Variants in PTPRK observed in about 807,000 individuals in gnomAD.
PTPRK encodes protein tyrosine phosphatase receptor type K.
A neutral mutation model predicts 178.0 loss-of-function variants in PTPRK; 75 were observed. The ratio of observed to expected loss-of-function variants is 0.42; its 90% CI spans 0.35 to 0.51. The LOEUF (loss-of-function observed/expected upper bound fraction) is 0.51, where lower values mean the gene tolerates loss of function less well. Ranked by LOEUF, PTPRK falls within the 20% of genes least tolerant of loss-of-function variation. The probability of loss-of-function intolerance (pLI) is 0.02; values close to 1 mark genes in which losing one functional copy is unlikely to be tolerated. For missense variants in PTPRK, 1,441 were observed against 1,797.8 expected (o/e 0.80, Z 3.59); for synonymous variants, 637 against 620.6 (o/e 1.03, Z -0.39).
chr6:128,464,640 T>C lies in PTPRK; in HGVS notation c.100+55619A>G, dbSNP rs796717046. On this transcript the variant is annotated intron_variant, in intron 1 of 29. Coordinates refer to ENST00000368226, the MANE Select transcript of PTPRK (RefSeq NM_002844.4). ...ATATACATATATATATATATACACA[T>C]ATATATATATATATATATATATATA... is the stretch of plus-strand genomic sequence containing the variant. 8.5e-3 allele frequency among the ~76,000 whole-genome samples: 436 copies of C among 51,028 alleles called. 10 individuals carry two copies. Among genetic ancestry groups the C allele is most frequent in the African/African-American group, 0.01 (80 of 7,938 alleles). 33.5% of individuals were successfully genotyped at this position (51,028 alleles called of 152,430 possible). A position where few individuals can be genotyped will look rare whatever the true frequency, so the allele number is the denominator to read the frequency against.
At chr6:128,305,843 T>C (rs2128313895) in intron 3 of PTPRK, among the ~76,000 whole-genome samples, 2 of 152,362 alleles carry the variant, frequency 1.3e-5, no homozygotes, top group South Asian at 4.1e-4. Context: ...TCAGTATTTA[T>C]TAATTATGTG....
intron 3 of PTPRK, among the ~76,000 whole-genome samples, chr6:128,320,433 G>A (rs1409076547): frequency 6.6e-6 from 1 of 152,102 alleles, no homozygotes; most frequent in Non-Finnish European, 1.5e-5. Flanking sequence ...TTACTTCTAT[G>A]TTGTTATTGT....
intron 3 of PTPRK, chr6:128,320,904 A>G (rs1172577766): frequency 6.6e-6 from 1 of 152,138 alleles, no homozygotes; most frequent in Non-Finnish European, 1.5e-5. Context: ...CTCCGGAATA[A>G]TAGAATCAAC....
At chr6:128,164,897 A>G (rs1799183394) in intron 7 of PTPRK, among the ~76,000 whole-genome samples, 1 of 151,388 alleles carries the variant, frequency 6.6e-6, no homozygotes, top group Admixed American at 6.6e-5. Context: ...AATATTTTCC[A>G]CATTTTCAAA....
intron 7 of PTPRK, among the ~76,000 whole-genome samples, chr6:128,177,497 GAATA>G (rs1801252295): frequency 6.6e-6 from 1 of 151,722 alleles, no homozygotes; most frequent in African/African-American, 2.4e-5. Flanking sequence ...AAAGTACTAT[GAATA>G]AATAAATACA....
chr6:128,337,190 C>T (rs1421288190), intron 2 of PTPRK, among the ~76,000 whole-genome samples: 1 of 152,010 alleles, frequency 6.6e-6, no homozygotes, highest in Non-Finnish European at 1.5e-5. Flanking sequence ...TTACATTGCC[C>T]ACTTTGTATT....
chr6:128,466,211 T>C (rs1038685380), intron 1 of PTPRK, among the ~76,000 whole-genome samples: 1 of 152,210 alleles, frequency 6.6e-6, no homozygotes, highest in African/African-American at 2.4e-5. Flanking sequence ...TCTGTCTTCA[T>C]AGTATCTACT....
intron 6 of PTPRK, among the ~76,000 whole-genome samples, chr6:128,188,414 G>T (rs989347285): frequency 6.6e-6 from 1 of 151,914 alleles, no homozygotes; most frequent in African/African-American, 2.4e-5. Context: ...CATAAATCCA[G>T]GAAAAGTCAG....
intron 1 of PTPRK, among the ~76,000 whole-genome samples, chr6:128,440,870 TA>T (rs537073712): frequency 0.013 from 2,010 of 149,528 alleles, 46 homozygotes; most frequent in African/African-American, 0.043. Flanking sequence ...CTTTTGCTAT[TA>T]AAAAAAAAAT....
intron 13 of PTPRK, among the ~76,000 whole-genome samples, chr6:128,041,132 G>T (rs1241609493): frequency 1.3e-5 from 2 of 151,874 alleles, no homozygotes; most frequent in Non-Finnish European, 2.9e-5. Context: ...AAGATCAATA[G>T]GGGTTACATA....
At chr6:128,399,735 A>G (rs1840783546) in intron 1 of PTPRK, among the ~76,000 whole-genome samples, 1 of 152,164 alleles carries the variant, frequency 6.6e-6, no homozygotes, top group South Asian at 2.1e-4. Context: ...TTGAAAGACA[A>G]ATGGCCTTAA....
At chr6:128,379,869 A>C (rs767159351) in intron 2 of PTPRK, among the ~76,000 whole-genome samples, 12 of 152,112 alleles carry the variant, frequency 7.9e-5, no homozygotes, top group Non-Finnish European at 1.8e-4. Context: ...ATTTCATAAT[A>C]TTTGCTATCT....
chr6:128,166,476 T>C (rs756541239), intron 7 of PTPRK, among the ~76,000 whole-genome samples: 14 of 151,676 alleles, frequency 9.2e-5, no homozygotes, highest in Non-Finnish European at 1.5e-4. Flanking sequence ...TCAGGGTCAT[T>C]GCAATAATTA....
At chr6:128,000,141 T>C in intron 15 of PTPRK, 1 of 1,002,728 alleles carries the variant, frequency 1.0e-6, no homozygotes, top group South Asian at 3.3e-5. Context: ...GTCATACTCA[T>C]TAACAGAAGA....
intron 2 of PTPRK, among the ~76,000 whole-genome samples, chr6:128,384,500 T>C (rs2128359059): frequency 6.6e-6 from 1 of 152,322 alleles, no homozygotes; most frequent in African/African-American, 2.4e-5. Flanking sequence ...TTAGGCCACA[T>C]TCAAAGCTAT....
intron 7 of PTPRK, among the ~76,000 whole-genome samples, chr6:128,153,347 G>A (rs888735204): frequency 5.9e-5 from 9 of 151,626 alleles, no homozygotes; most frequent in South Asian, 2.1e-4. Context: ...TGCTGCAGCC[G>A]CTGGGACATG....
intron 2 of PTPRK, among the ~76,000 whole-genome samples, chr6:128,351,484 G>C (rs1199551473): frequency 6.6e-6 from 1 of 152,094 alleles, no homozygotes; most frequent in Non-Finnish European, 1.5e-5. Flanking sequence ...ATAAAATACA[G>C]ATCATCAGTT....
chr6:128,124,076 G>A (rs113566071), intron 7 of PTPRK, among the ~76,000 whole-genome samples: 2 of 147,412 alleles, frequency 1.4e-5, no homozygotes, highest in Middle Eastern at 3.6e-3. Flanking sequence ...CAGAGTCTCA[G>A]TCTGTCACCC....
At chr6:128,288,061 C>G (rs1249530582) in intron 3 of PTPRK, among the ~76,000 whole-genome samples, 1 of 152,140 alleles carries the variant, frequency 6.6e-6, no homozygotes, top group African/African-American at 2.4e-5. Context: ...GAGGCTTTCT[C>G]ATTGAAGCAG....
Sources: gnomAD v4.1 joint callset for allele counts (sites outside exome capture counted in the v4.1 genomes callset) on GRCh38, gnomAD v4.1.1 for gene constraint, MANE v1.5 for transcripts, NCBI Gene and HGNC (gene_info 2026-07-23, HGNC 2026-07-21) for gene names.